Variants in SNTB1 observed in about 807,000 individuals in gnomAD.
SNTB1 encodes syntrophin beta 1.
SNTB1 carries 36 observed loss-of-function variants against 48.9 expected under a neutral mutation model. The observed-to-expected ratio is 0.74, with a 90% CI of 0.56 to 0.97. The LOEUF (loss-of-function observed/expected upper bound fraction) is 0.97, where lower values mean the gene tolerates loss of function less well. Among genes scored for constraint, SNTB1 ranks in the 50% least tolerant of loss-of-function variants. SNTB1 has a pLI of 0.00. For synonymous variants in SNTB1, 299 were observed against 294.6 expected (o/e 1.01, Z -0.15); for missense variants, 786 against 703.4 (o/e 1.12, Z -1.33).
chr8:120,778,467 A>T (rs962448226), intron 1 of SNTB1, among the ~76,000 whole-genome samples: 1 of 152,232 alleles, frequency 6.6e-6, no homozygotes, highest in Non-Finnish European at 1.5e-5. Context: ...GTGCTCTGGC[A>T]TTTCTGCAAA....
chr8:120,763,137 C>A (rs967213645), intron 1 of SNTB1, among the ~76,000 whole-genome samples: 3 of 152,168 alleles, frequency 2.0e-5, no homozygotes, highest in African/African-American at 7.2e-5. Context: ...CATTAAATTT[C>A]TTTTGCTATT....
At chr8:120,639,926 T>C (rs1045061547) in intron 2 of SNTB1, among the ~76,000 whole-genome samples, 2 of 152,186 alleles carry the variant, frequency 1.3e-5, no homozygotes, top group African/African-American at 4.8e-5. Flanking sequence ...AAGTCATTGG[T>C]AGCTTGATGG....
chr8:120,636,056 T>A, intron 2 of SNTB1: 1 of 772,242 alleles, frequency 1.3e-6, no homozygotes. Flanking sequence ...AAGGCTTTTT[T>A]TTTTATTATT....
At chr8:120,802,834 C>T (rs1820252372) in intron 1 of SNTB1, among the ~76,000 whole-genome samples, 2 of 151,974 alleles carry the variant, frequency 1.3e-5, no homozygotes, top group South Asian at 4.1e-4. Context: ...CCCTTTACTC[C>T]TCAGAACAAA....
chr8:120,616,477 G>GT (rs767343933), intron 3 of SNTB1, among the ~76,000 whole-genome samples: 48,383 of 127,980 alleles, frequency 0.38, 9,264 homozygotes, highest in African/African-American at 0.57. Flanking sequence ...ACTAAAAAAA[G>GT]TTTTTTTTTT....
At chr8:120,807,524 AC>A (rs1165041895) in intron 1 of SNTB1, among the ~76,000 whole-genome samples, 6 of 152,256 alleles carry the variant, frequency 3.9e-5, no homozygotes, top group Non-Finnish European at 8.8e-5. Context: ...CACCGGCTTA[AC>A]TGGCAGAGTT....
intron 1 of SNTB1, among the ~76,000 whole-genome samples, chr8:120,754,338 T>C (rs541705549): frequency 4.6e-5 from 7 of 151,912 alleles, no homozygotes; most frequent in East Asian, 3.9e-4. Flanking sequence ...ACAAAAAAAA[T>C]CAAGAAAAAC....
chr8:120,690,242 C>T (rs1177840274), intron 2 of SNTB1, among the ~76,000 whole-genome samples: 1 of 152,002 alleles, frequency 6.6e-6, no homozygotes, highest in Non-Finnish European at 1.5e-5. Context: ...AGGAAAAACA[C>T]AGTTATAGAG....
At chr8:120,570,294 G>T (rs1236431054) in intron 4 of SNTB1, 1 of 151,972 alleles carries the variant, frequency 6.6e-6, no homozygotes, top group African/African-American at 2.4e-5. Flanking sequence ...CTGCAAAATT[G>T]GATTCAGCAG....
In SNTB1 at chr8:120,538,606, A is replaced by G; in HGVS notation, c.*271T>C. ...CCTTGGTTGTCATTATTTCAAAGCT[A>G]TGCTGTGTATTTCCCGTCACCTCAC... On this transcript the variant is annotated 3_prime_UTR_variant, in exon 7 of 7. Transcript: ENST00000517992. 2 of 524,518 alleles carry G rather than the reference A, an allele frequency of 3.8e-6. No homozygotes were observed. The highest frequency in any genetic ancestry group is 1.9e-5 in the African/African-American group (1 of 52,684). The allele number at this position is 524,518 out of a possible 1,614,324, so 32.5% of individuals were successfully genotyped here. A position where few individuals can be genotyped will look rare whatever the true frequency, so the allele number is the denominator to read the frequency against.
intron 4 of SNTB1, among the ~76,000 whole-genome samples, chr8:120,559,874 C>T (rs1008023340): frequency 1.3e-5 from 2 of 151,986 alleles, no homozygotes; most frequent in Admixed American, 6.6e-5. Flanking sequence ...ATATTACATC[C>T]TCATTTTACT....
At chr8:120,640,199 G>A (rs1278263187) in intron 2 of SNTB1, among the ~76,000 whole-genome samples, 2 of 151,950 alleles carry the variant, frequency 1.3e-5, no homozygotes, top group Non-Finnish European at 2.9e-5. Flanking sequence ...TGGTGTATAA[G>A]AATGCTTGTG....
chr8:120,635,123 T>G (rs1254679474), intron 2 of SNTB1, among the ~76,000 whole-genome samples: 2 of 152,174 alleles, frequency 1.3e-5, no homozygotes, highest in East Asian at 3.8e-4. Flanking sequence ...TACAAAAATT[T>G]TATGTGATGG....
intron 2 of SNTB1, among the ~76,000 whole-genome samples, chr8:120,672,263 A>G (rs1316856545): frequency 6.6e-6 from 1 of 152,222 alleles, no homozygotes; most frequent in Non-Finnish European, 1.5e-5. Context: ...ATGTAACCCC[A>G]TGTAAGTTGA....
At chr8:120,663,605 C>T (rs375305546) in intron 2 of SNTB1, among the ~76,000 whole-genome samples, 1 of 152,138 alleles carries the variant, frequency 6.6e-6, no homozygotes, top group Admixed American at 6.5e-5. Flanking sequence ...CTGCACCCGG[C>T]CACAAGTAGT....
chr8:120,664,605 T>C (rs553778465), intron 2 of SNTB1, among the ~76,000 whole-genome samples: 4 of 152,220 alleles, frequency 2.6e-5, no homozygotes, highest in Non-Finnish European at 5.9e-5. Context: ...CATGTATCAA[T>C]AGTTCATTTG....
rs563623399 is a variant in SNTB1 at position 120,737,531 on chromosome 8, T to C, written c.572-43623A>G. On this transcript the variant is annotated intron_variant, in intron 1 of 6. Coordinates refer to ENST00000517992, the MANE Select transcript of SNTB1 (RefSeq NM_021021.4). ...TATCTTATGAACTAGCAATTTTTGA[T>C]AGAAGAAAATGAAAACCAAAACAAG... Among the ~76,000 whole-genome samples the C allele has an allele frequency of 4.6e-5, 7 of 152,262 alleles. No homozygotes were observed. The South Asian group carries it at 1.0e-3, about 23-fold the overall frequency.
At chr8:120,671,489 G>C (rs1203971411) in intron 2 of SNTB1, among the ~76,000 whole-genome samples, 1 of 152,220 alleles carries the variant, frequency 6.6e-6, no homozygotes, top group East Asian at 1.9e-4. Flanking sequence ...TACAAGCCAA[G>C]AAATACCAAG....
chr8:120,787,357 C>T (rs947214524), intron 1 of SNTB1, among the ~76,000 whole-genome samples: 2 of 151,950 alleles, frequency 1.3e-5, no homozygotes, highest in African/African-American at 2.4e-5. Flanking sequence ...ACTAACTCTA[C>T]AGCAGTGGAT....
Sources: gnomAD v4.1 joint callset for allele counts (sites outside exome capture counted in the v4.1 genomes callset) on GRCh38, gnomAD v4.1.1 for gene constraint, MANE v1.5 for transcripts, NCBI Gene and HGNC (gene_info 2026-07-23, HGNC 2026-07-21) for gene names.